The following APLF variants were observed in gnomAD, a reference collection of about 807,000 sequenced individuals.
The protein encoded by APLF is aprataxin and PNK-like factor.
APLF carries 61 observed loss-of-function variants against 55.6 expected under a neutral mutation model. The ratio of observed to expected loss-of-function variants is 1.10; its 90% CI spans 0.89 to 1.36. The LOEUF (loss-of-function observed/expected upper bound fraction) is 1.36, where lower values mean the gene tolerates loss of function less well. Ranked by LOEUF, APLF falls within the 40% of genes most tolerant of loss-of-function variation. The pLI, the probability that APLF is intolerant of heterozygous loss-of-function variation, is 0.00. For synonymous variants in APLF, 207 were observed against 214.8 expected (o/e 0.96, Z 0.32); for missense variants, 611 against 602.5 (o/e 1.01, Z -0.15).
chr2:68,554,195 A>G (rs1158289799), intron 8 of APLF, among the ~76,000 whole-genome samples: 1 of 152,074 alleles, frequency 6.6e-6, no homozygotes, highest in Non-Finnish European at 1.5e-5. Context: ...AAAATGAGAA[A>G]AAAATAGGAT....
chr2:68,561,723 G>A (rs577675714), intron 8 of APLF, among the ~76,000 whole-genome samples: 1 of 152,144 alleles, frequency 6.6e-6, no homozygotes, highest in African/African-American at 2.4e-5. Context: ...TGAGTGCAGA[G>A]CGATTTCAGC....
chr2:68,483,885 A>G (rs759982043), intron 1 of APLF, among the ~76,000 whole-genome samples: 14 of 152,148 alleles, frequency 9.2e-5, no homozygotes, highest in South Asian at 2.1e-4. Flanking sequence ...ATGTTCAGAA[A>G]CTTCTCTAGA....
At chr2:68,527,604 C>T (rs573861361) in intron 6 of APLF, among the ~76,000 whole-genome samples, 34 of 151,294 alleles carry the variant, frequency 2.2e-4, no homozygotes, top group African/African-American at 7.3e-4. Context: ...AGGCAGTCCT[C>T]GATTCGCAGA....
intron 1 of APLF, among the ~76,000 whole-genome samples, chr2:68,481,763 G>A (rs561981776): frequency 6.6e-6 from 1 of 151,894 alleles, no homozygotes; most frequent in Non-Finnish European, 1.5e-5. Flanking sequence ...GCTTAATGTT[G>A]TCCCATAAAT....
At chr2:68,550,786 A>C (rs1353736361) in intron 8 of APLF, among the ~76,000 whole-genome samples, 2 of 152,126 alleles carry the variant, frequency 1.3e-5, no homozygotes, top group African/African-American at 4.8e-5. Context: ...CAAGAACCTT[A>C]CATCACTTTA....
chr2:68,496,773 A>G (rs1400830538), intron 2 of APLF, among the ~76,000 whole-genome samples: 2 of 152,174 alleles, frequency 1.3e-5, no homozygotes, highest in East Asian at 3.9e-4. Flanking sequence ...CCTTTGCTCT[A>G]GTTCCCGATA....
At chr2:68,499,005 T>C (rs796465194) in intron 2 of APLF, among the ~76,000 whole-genome samples, 5 of 150,944 alleles carry the variant, frequency 3.3e-5, no homozygotes, top group African/African-American at 1.2e-4. Context: ...TTTCCTCAAC[T>C]TATTTTGTTA....
chr2:68,486,677 A>G lies in APLF; in HGVS notation c.97-3513A>G, dbSNP rs1676185205. On this transcript the variant is annotated intron_variant, in intron 1 of 9. Coordinates refer to ENST00000303795, the MANE Select transcript of APLF (RefSeq NM_173545.3). ...TCCATCTCCTAGTTTTACATTACAT[A>G]TGGGATGGGATATGGGTAGTTTTAT... Among the ~76,000 whole-genome samples, 3 of 152,178 alleles carry G rather than the reference A, an allele frequency of 2.0e-5. 1 individual carries two copies. In the South Asian group the frequency reaches 6.2e-4, roughly 32 times the overall value.
Position 68,486,764 on chromosome 2 carries a change from A to G in APLF, c.97-3426A>G, listed in dbSNP as rs181998948. Among the ~76,000 whole-genome samples, 22 of 149,104 alleles carry G rather than the reference A, an allele frequency of 1.5e-4. No homozygotes were observed. The East Asian group carries it at 4.0e-3, about 27-fold the overall frequency. The stretch of plus-strand genomic sequence containing the variant: ...TGTGATTAGAATTTAGGTGACTATA[A>G]TTATTCTATAAAAATTGGAATTCTT... On this transcript the variant is annotated intron_variant, in intron 1 of 9. Transcript: ENST00000303795.
intron 3 of APLF, among the ~76,000 whole-genome samples, chr2:68,511,598 T>C (rs1021939218): frequency 2.0e-5 from 3 of 151,692 alleles, no homozygotes; most frequent in Non-Finnish European, 4.4e-5. Context: ...CTATAAATTG[T>C]GAAAAATCAT....
rs189691894 is a variant in APLF at position 68,502,938 on chromosome 2, T to C, written c.341+35T>C. ...TGATGAAATGAGAGTAAGAATGTTA[T>C]TTTTAATCTAATTCCTCAGCCATCA... On this transcript the variant is annotated intron_variant, in intron 3 of 9. Coordinates refer to ENST00000303795, the MANE Select transcript of APLF (RefSeq NM_173545.3). 5 of 1,570,640 alleles carry C rather than the reference T, an allele frequency of 3.2e-6. No homozygotes were observed. The African/African-American group carries it at 5.5e-5, about 17-fold the overall frequency.
chr2:68,483,849 A>G (rs1676045009), intron 1 of APLF, among the ~76,000 whole-genome samples: 1 of 152,172 alleles, frequency 6.6e-6, no homozygotes, highest in East Asian at 1.9e-4. Context: ...ACATTGAATT[A>G]ATGCGATATA....
intron 6 of APLF, among the ~76,000 whole-genome samples, chr2:68,527,460 G>C (rs1670098289): frequency 6.7e-6 from 1 of 149,316 alleles, no homozygotes; most frequent in African/African-American, 2.5e-5. Context: ...TGGGGTGGAG[G>C]CCGGGCAGAG....
At chr2:68,489,767 C>T (rs1198496183) in intron 1 of APLF, among the ~76,000 whole-genome samples, 1 of 152,168 alleles carries the variant, frequency 6.6e-6, no homozygotes, top group South Asian at 2.1e-4. Context: ...GATCCTCGAG[C>T]ATGGGATCTC....
chr2:68,567,567 GC>G (rs925999092), intron 9 of APLF, among the ~76,000 whole-genome samples, 180 bp downstream of exon 9: 5 of 151,290 alleles, frequency 3.3e-5, no homozygotes, highest in Admixed American at 6.6e-5. Flanking sequence ...CTTTTGTATA[GC>G]AAATGCTTTC....
chr2:68,574,267 T>A (rs1671562247), intron 9 of APLF, among the ~76,000 whole-genome samples: 1 of 152,192 alleles, frequency 6.6e-6, no homozygotes, highest in Non-Finnish European at 1.5e-5. Flanking sequence ...CTTCAGACTC[T>A]ACTAGCAATT....
At chr2:68,571,959 G>A (rs538172481) in intron 9 of APLF, among the ~76,000 whole-genome samples, 5 of 152,192 alleles carry the variant, frequency 3.3e-5, no homozygotes, top group East Asian at 1.9e-4. Flanking sequence ...CTAGGTGATT[G>A]ATACCATTTG....
intron 9 of APLF, among the ~76,000 whole-genome samples, chr2:68,569,888 A>G (rs543554223): frequency 2.6e-5 from 4 of 152,148 alleles, no homozygotes; most frequent in Non-Finnish European, 4.4e-5. Context: ...ATGATAGAGA[A>G]TAGGGTGAAC....
chr2:68,511,478 T>C (rs1449439179), intron 3 of APLF, among the ~76,000 whole-genome samples: 1 of 151,706 alleles, frequency 6.6e-6, no homozygotes, highest in African/African-American at 2.4e-5. Flanking sequence ...GGGTAACTAT[T>C]AATAAAAATT....
Sources: gnomAD v4.1 joint callset for allele counts (sites outside exome capture counted in the v4.1 genomes callset) on GRCh38, gnomAD v4.1.1 for gene constraint, MANE v1.5 for transcripts, NCBI Gene and HGNC (gene_info 2026-07-23, HGNC 2026-07-21) for gene names.